HS3ST4: variants seen among roughly 807,000 people sequenced by gnomAD.
HS3ST4 encodes heparan sulfate glucosamine 3-O-sulfotransferase 4.
A neutral mutation model predicts 29.2 loss-of-function variants in HS3ST4; 17 were observed. The ratio of observed to expected loss-of-function variants is 0.58; its 90% CI spans 0.40 to 0.87. The LOEUF (loss-of-function observed/expected upper bound fraction) is 0.87. Among genes scored for constraint, HS3ST4 ranks in the 40% least tolerant of loss-of-function variants. The pLI is 0.00. For missense variants in HS3ST4, 627 were observed against 634.5 expected (o/e 0.99, Z 0.13); for synonymous variants, 314 against 285.7 (o/e 1.10, Z -1.00).
At chr16:25,693,231 G>A in intron 1 of HS3ST4, 80 bp downstream of exon 1, 1 of 1,416,560 alleles carries the variant, frequency 7.1e-7, no homozygotes, top group Non-Finnish European at 9.4e-7. Flanking sequence ...CACGCCCTTC[G>A]AGCATCCAGG....
At chr16:25,969,550 T>C (rs4564573) in intron 1 of HS3ST4, among the ~76,000 whole-genome samples, 54,466 of 152,070 alleles carry the variant, frequency 0.36, 10,249 homozygotes, top group East Asian at 0.48. Context: ...GCTGTAGACC[T>C]TTACTCAATT....
At chr16:25,715,550 T>C (rs1966448480) in intron 1 of HS3ST4, among the ~76,000 whole-genome samples, 1 of 152,246 alleles carries the variant, frequency 6.6e-6, no homozygotes, top group African/African-American at 2.4e-5. Flanking sequence ...TGCTCCTTTC[T>C]CTTCTGCATG....
At chr16:25,767,563 C>T (rs946399724) in intron 1 of HS3ST4, among the ~76,000 whole-genome samples, 4 of 152,212 alleles carry the variant, frequency 2.6e-5, no homozygotes, top group Non-Finnish European at 4.4e-5. Context: ...TAAGTTTTAG[C>T]TCAGATTCAA....
chr16:26,002,703 G>T, intron 1 of HS3ST4, among the ~76,000 whole-genome samples: 1 of 124,756 alleles, frequency 8.0e-6, no homozygotes, highest in Non-Finnish European at 1.6e-5. Context: ...AAGGAAGGAA[G>T]AAGGGAAGGA....
intron 1 of HS3ST4, among the ~76,000 whole-genome samples, chr16:25,819,892 C>G (rs1158769350): frequency 6.6e-6 from 1 of 150,560 alleles, no homozygotes; most frequent in Non-Finnish European, 1.5e-5. Flanking sequence ...GCGCCTGTAA[C>G]TCTAGCTACT....
In HS3ST4 at chr16:26,012,242, A is replaced by G. The variant is rs191378191; in HGVS notation, c.735-123370A>G. Reference sequence around the variant, plus strand: ...ATGTGGCATATGGGAAAAGGGCTCAATAGAGCTTCCTGTCAAAGTGTATCA... The same window carrying G: ...ATGTGGCATATGGGAAAAGGGCTCAGTAGAGCTTCCTGTCAAAGTGTATCA... On this transcript the variant is annotated intron_variant, in intron 1 of 1. Coordinates refer to ENST00000331351, the MANE Select transcript of HS3ST4 (RefSeq NM_006040.3). Among the ~76,000 whole-genome samples the G allele has an allele frequency of 4.1e-3, 627 of 152,352 alleles. 8 individuals are homozygous for G. The highest frequency in any genetic ancestry group is 3.1e-3 in the Non-Finnish European group (211 of 68,026).
At chr16:26,037,153 G>A (rs1316152961) in intron 1 of HS3ST4, among the ~76,000 whole-genome samples, 1 of 152,184 alleles carries the variant, frequency 6.6e-6, no homozygotes, top group African/African-American at 2.4e-5. Context: ...TTAAGCCCAT[G>A]CATGGAGCAT....
At chr16:25,928,369 A>G (rs1344833845) in intron 1 of HS3ST4, among the ~76,000 whole-genome samples, 2 of 142,300 alleles carry the variant, frequency 1.4e-5, no homozygotes, top group Non-Finnish European at 3.0e-5. Flanking sequence ...CATCTCTATT[A>G]AAAAATAAAA....
At chr16:26,054,498 G>A (rs1200481248) in intron 1 of HS3ST4, among the ~76,000 whole-genome samples, 1 of 152,208 alleles carries the variant, frequency 6.6e-6, no homozygotes, top group Non-Finnish European at 1.5e-5. Flanking sequence ...GGCCAGGGAA[G>A]TAGGTGGTTC....
intron 1 of HS3ST4, among the ~76,000 whole-genome samples, chr16:25,744,426 G>A (rs981529582): frequency 2.0e-5 from 3 of 152,162 alleles, no homozygotes; most frequent in African/African-American, 7.2e-5. Context: ...TTAGGACTAG[G>A]TTCCACTGGA....
chr16:25,909,474 G>A (rs1209674434), intron 1 of HS3ST4, among the ~76,000 whole-genome samples: 2 of 152,134 alleles, frequency 1.3e-5, no homozygotes, highest in Non-Finnish European at 2.9e-5. Context: ...ACCATGCCCC[G>A]ATGAGATTCT....
At chr16:25,963,769 T>C (rs1032577834) in intron 1 of HS3ST4, among the ~76,000 whole-genome samples, 1 of 152,256 alleles carries the variant, frequency 6.6e-6, no homozygotes, top group Non-Finnish European at 1.5e-5. Flanking sequence ...GATTGACTAA[T>C]CTTGTGGTGA....
chr16:26,121,450 C>G (rs1478884031), intron 1 of HS3ST4, among the ~76,000 whole-genome samples: 2 of 152,160 alleles, frequency 1.3e-5, no homozygotes, highest in Non-Finnish European at 2.9e-5. Context: ...CTTTATTGCT[C>G]TGAGGCTCAG....
At chr16:26,127,265 T>C (rs1050535078) in intron 1 of HS3ST4, among the ~76,000 whole-genome samples, 3 of 152,174 alleles carry the variant, frequency 2.0e-5, no homozygotes, top group Non-Finnish European at 4.4e-5. Flanking sequence ...TCCTAAACGT[T>C]GCTCCCCTTG....
chr16:25,699,477 A>G (rs1422561042), intron 1 of HS3ST4, among the ~76,000 whole-genome samples: 1 of 152,242 alleles, frequency 6.6e-6, no homozygotes, highest in East Asian at 1.9e-4. Context: ...TATTTGATCT[A>G]TATCGATAAC....
chr16:26,058,563 G>T (rs544717278), intron 1 of HS3ST4, among the ~76,000 whole-genome samples: 1 of 152,122 alleles, frequency 6.6e-6, no homozygotes, highest in African/African-American at 2.4e-5. Flanking sequence ...GCTCTCTCCT[G>T]CCTCATGATT....
chr16:25,786,406 A>C (rs559616299), intron 1 of HS3ST4, among the ~76,000 whole-genome samples: 1 of 152,326 alleles, frequency 6.6e-6, no homozygotes, highest in East Asian at 1.9e-4. Flanking sequence ...AGGATTAAGC[A>C]AAAAATGGGC....
chr16:26,125,965 C>G (rs976027947), intron 1 of HS3ST4, among the ~76,000 whole-genome samples: 1 of 152,224 alleles, frequency 6.6e-6, no homozygotes, highest in Non-Finnish European at 1.5e-5. Context: ...TTCTGTAGAA[C>G]AGATAAATTA....
intron 1 of HS3ST4, among the ~76,000 whole-genome samples, chr16:25,875,194 C>G (rs1037494501): frequency 6.6e-6 from 1 of 152,132 alleles, no homozygotes; most frequent in Non-Finnish European, 1.5e-5. Context: ...GCAAACTTTT[C>G]TATCGTTTCA....
Sources: gnomAD v4.1 joint callset for allele counts (sites outside exome capture counted in the v4.1 genomes callset) on GRCh38, gnomAD v4.1.1 for gene constraint, MANE v1.5 for transcripts, NCBI Gene and HGNC (gene_info 2026-07-23, HGNC 2026-07-21) for gene names.